Variants in PACRG observed in about 807,000 individuals in gnomAD.
The protein encoded by PACRG is parkin coregulated, also known as parkin coregulated gene protein.
Under a neutral mutation model 29.7 loss-of-function variants are expected in PACRG, and 29 were observed. That is an observed-to-expected ratio of 0.98 (90% CI 0.73 to 1.33). The LOEUF is 1.33. Ranked by LOEUF, PACRG falls within the 40% of genes most tolerant of loss-of-function variation. PACRG has a pLI of 0.00. For missense variants in PACRG, 279 were observed against 316.2 expected (o/e 0.88, Z 0.89); for synonymous variants, 116 against 118.7 (o/e 0.98, Z 0.15).
At chr6:163,166,697 A>G (rs1182324899) in intron 4 of PACRG, among the ~76,000 whole-genome samples, 1 of 152,224 alleles carries the variant, frequency 6.6e-6, no homozygotes, top group Non-Finnish European at 1.5e-5. Flanking sequence ...TGAAAAAAGA[A>G]TCACTAAGCA....
At chr6:162,907,059 A>T (rs1795980950) in intron 2 of PACRG, among the ~76,000 whole-genome samples, 1 of 152,018 alleles carries the variant, frequency 6.6e-6, no homozygotes. Context: ...GAAGCCTTAA[A>T]TTAAAAATCT....
chr6:163,212,923 C>T (rs1781211262), intron 4 of PACRG, among the ~76,000 whole-genome samples: 2 of 152,116 alleles, frequency 1.3e-5, no homozygotes, highest in South Asian at 4.1e-4. Context: ...GAACTACAGG[C>T]ACCCACCACC....
At position 163,059,549 on chromosome 6, in the gene PACRG, A is replaced by G. The variant is rs551717183; in HGVS notation, c.292-2601A>G. On this transcript the variant is annotated intron_variant, in intron 2 of 4. Transcript: ENST00000366888. ...GGATAAGGACATAAGGGTAAATTCA[A>G]CAATTTACCAGGAGGTTATAATAAT... 9.2e-5 allele frequency among the ~76,000 whole-genome samples: 14 copies of G among 152,344 alleles called. No individual in the cohort carries two copies. The South Asian group carries it at 2.7e-3, about 29-fold the overall frequency.
intron 2 of PACRG, among the ~76,000 whole-genome samples, chr6:162,984,057 G>A (rs1056082939): frequency 2.6e-5 from 4 of 151,620 alleles, no homozygotes; most frequent in Admixed American, 6.6e-5. Flanking sequence ...TTTGGGAAAC[G>A]GGTGGTGTTT....
At chr6:162,796,826 T>C (rs1191384363) in intron 1 of PACRG, among the ~76,000 whole-genome samples, 1 of 152,228 alleles carries the variant, frequency 6.6e-6, no homozygotes. Context: ...AAGCCAATGC[T>C]AAATGATGAG....
chr6:162,835,151 A>C (rs1789113619), intron 2 of PACRG, among the ~76,000 whole-genome samples: 1 of 152,042 alleles, frequency 6.6e-6, no homozygotes, highest in African/African-American at 2.4e-5. Context: ...TCATTATCTT[A>C]GTCTTTCTTT....
At chr6:162,862,761 G>A (rs1367121297) in intron 2 of PACRG, among the ~76,000 whole-genome samples, 1 of 152,158 alleles carries the variant, frequency 6.6e-6, no homozygotes, top group Non-Finnish European at 1.5e-5. Flanking sequence ...GGGATGAAGA[G>A]AGCCACTTTG....
chr6:162,802,848 T>C (rs1311388606), intron 1 of PACRG, among the ~76,000 whole-genome samples: 1 of 152,206 alleles, frequency 6.6e-6, no homozygotes, highest in African/African-American at 2.4e-5. Context: ...TTTTCCATTT[T>C]CTTGCTACTA....
chr6:163,300,734 C>G (rs929320134), intron 4 of PACRG, among the ~76,000 whole-genome samples: 1 of 152,028 alleles, frequency 6.6e-6, no homozygotes, highest in African/African-American at 2.4e-5. Flanking sequence ...AGTGATACTA[C>G]AAAAGAATGA....
chr6:162,847,113 G>GTGCTCCCCACACTGTGA (rs1299082497), intron 2 of PACRG, among the ~76,000 whole-genome samples: 1 of 150,894 alleles, frequency 6.6e-6, no homozygotes. Context: ...ACTGTCCACT[G>GTGCTCCCCACACTGTGA]TGCTCCCCAC....
Position 163,315,183 on chromosome 6 carries a change from G to GATTT in PACRG, c.*199_*200insTATT. The GATTT allele has an allele frequency of 1.7e-6, 1 of 582,794 alleles. No individual in the cohort carries two copies. Among genetic ancestry groups the GATTT allele is most frequent in the Non-Finnish European group, 2.9e-6 (1 of 340,060 alleles). The allele number at this position is 582,794 out of a possible 1,614,324, so 36.1% of individuals were successfully genotyped here. On this transcript the variant is annotated 3_prime_UTR_variant, in exon 5 of 5. Transcript: ENST00000366888. ...ATACATAAATAGTGTCTGTTTCTTA[G>GATTT]ATTACAATAGTGTACTGTGCTTATT...
In PACRG at chr6:163,171,972, A is replaced by G. The variant is rs564341042; in HGVS notation, c.613+82564A>G. On this transcript the variant is annotated intron_variant, in intron 4 of 4. Coordinates refer to ENST00000366888, the MANE Select transcript of PACRG (RefSeq NM_001080379.2). ...TTATACCAAAATAAACAAGAAGTCC[A>G]TCAACCTGGCACAAAAGTTAATGGA... Among the ~76,000 whole-genome samples, 30 of 152,350 alleles carry G rather than the reference A, an allele frequency of 2.0e-4. No individual in the cohort carries two copies. In the South Asian group the frequency reaches 5.4e-3, roughly 27 times the overall value.
chr6:163,149,415 A>T (rs917416288), intron 4 of PACRG, among the ~76,000 whole-genome samples: 1 of 152,072 alleles, frequency 6.6e-6, no homozygotes, highest in Non-Finnish European at 1.5e-5. Context: ...GGCCACGTCT[A>T]TGTGCGGCCT....
intron 2 of PACRG, among the ~76,000 whole-genome samples, chr6:162,907,089 T>C (rs1164262358): frequency 1.3e-5 from 2 of 152,210 alleles, no homozygotes; most frequent in Non-Finnish European, 2.9e-5. Context: ...AAACTAAGTG[T>C]CATTATTGAA....
chr6:162,970,578 C>T (rs1314098065), intron 2 of PACRG, among the ~76,000 whole-genome samples: 1 of 152,166 alleles, frequency 6.6e-6, no homozygotes, highest in East Asian at 1.9e-4. Context: ...CAAGAATAAT[C>T]GTGCCAAATA....
chr6:163,067,251 G>A (rs1440266392), intron 3 of PACRG, among the ~76,000 whole-genome samples: 2 of 152,228 alleles, frequency 1.3e-5, no homozygotes, highest in Non-Finnish European at 2.9e-5. Context: ...CAAGCCCGTG[G>A]TCGATGCTGT....
chr6:162,774,888 A>G (rs948291050), intron 1 of PACRG, among the ~76,000 whole-genome samples: 1 of 152,246 alleles, frequency 6.6e-6, no homozygotes, highest in East Asian at 1.9e-4. Context: ...AAATCCCTGA[A>G]GACTGGAGCT....
chr6:162,879,634 C>T (rs766571263), intron 2 of PACRG, among the ~76,000 whole-genome samples: 2 of 152,196 alleles, frequency 1.3e-5, no homozygotes, highest in South Asian at 4.1e-4. Flanking sequence ...AAATAGGAGG[C>T]TTCATTCATT....
intron 2 of PACRG, among the ~76,000 whole-genome samples, chr6:162,901,223 G>A (rs1795539585): frequency 6.6e-6 from 1 of 152,204 alleles, no homozygotes. Flanking sequence ...GGGAGCCGAA[G>A]CAGGTATATA....
Sources: allele counts gnomAD v4.1 joint callset (sites outside exome capture counted in the v4.1 genomes callset), GRCh38; gene constraint gnomAD v4.1.1; transcripts MANE v1.5; gene names NCBI Gene and HGNC (gene_info 2026-07-23, HGNC 2026-07-21).